Variants in MOV10L1 observed in about 807,000 individuals in gnomAD.
MOV10L1 encodes Mov10 like RNA helicase 1.
In MOV10L1, 110 loss-of-function variants were observed where a neutral mutation model predicts 143.8. That is an observed-to-expected ratio of 0.76 (90% CI 0.66 to 0.90). The LOEUF (loss-of-function observed/expected upper bound fraction) is 0.90. Ranked by LOEUF, MOV10L1 falls within the 40% of genes least tolerant of loss-of-function variation. MOV10L1 has a pLI of 0.00. For synonymous variants in MOV10L1, 593 were observed against 581.1 expected (o/e 1.02, Z -0.29); for missense variants, 1,406 against 1,526.8 (o/e 0.92, Z 1.32).
intron 3 of MOV10L1, among the ~76,000 whole-genome samples, chr22:50,105,088 C>T (rs2061836492): frequency 6.6e-6 from 1 of 152,134 alleles, no homozygotes; most frequent in African/African-American, 2.4e-5. Context: ...GACAGGGTTT[C>T]ACCGCATTGC....
rs922685011 is a variant in MOV10L1, at chr22:50,160,862, A to C, written c.3462+37A>C. 6.2e-6 allele frequency: 10 copies of C among 1,613,414 alleles called. No individual in the cohort carries two copies. In the African/African-American group the frequency reaches 9.3e-5, roughly 15 times the overall value. On this transcript the variant is annotated intron_variant, in intron 25 of 26. Transcript: ENST00000262794. ...GGCACTGGGTGGGCTGTGATCACTT[A>C]AGGAGGGAGGGTCCGGGTCACTCGG...
In MOV10L1 at chr22:50,092,206, G is replaced by A. The variant is rs879064105; in HGVS notation, c.282+21G>A. 3.7e-6 allele frequency: 6 copies of A among 1,602,968 alleles called. No homozygotes were observed. The Admixed American group carries it at 8.5e-5, about 23-fold the overall frequency. The stretch of plus-strand genomic sequence containing the variant: ...TCAGGGTAAGGTTTGAGTTCATTTG[G>A]GAACAGTTTTTCTTCGCCACGGGAC... On this transcript the variant is annotated intron_variant, in intron 2 of 26. Coordinates refer to ENST00000262794, the MANE Select transcript of MOV10L1 (RefSeq NM_018995.3).
rs139982343 is a variant in MOV10L1, at chr22:50,125,529, G to A, written c.1707G>A (p.Glu569=). 45 of 1,614,098 alleles carry A rather than the reference G, an allele frequency of 2.8e-5. No individual in the cohort carries two copies. Among genetic ancestry groups the A allele is most frequent in the Admixed American group, 8.3e-5 (5 of 60,008 alleles). The change falls in exon 11 of 27, where the codon GAG becomes GAA. Residue 569 remains glutamate, a synonymous_variant. Coordinates refer to ENST00000262794, the MANE Select transcript of MOV10L1 (RefSeq NM_018995.3). ...LRRNGDLLVL[E]VPGLAEGRPS... ...GGAATGGGGATCTGCTGGTTCTGGA[G>A]GTCCCAGGGTTGGCCGAAGGGAGGC... is the stretch of plus-strand genomic sequence containing the variant.
At chr22:50,113,566 C>T in intron 5 of MOV10L1, 82 bp from the exon 6 acceptor site, 1 of 1,532,606 alleles carries the variant, frequency 6.5e-7, no homozygotes, top group South Asian at 1.3e-5. Flanking sequence ...CCCCCACCAG[C>T]AGTCTATCCT....
chr22:50,108,791 C>A lies in MOV10L1; in HGVS notation c.690C>A (p.Ser230Arg). ...TGGTCAATGCAGTGGTGGTGGAGAG[C>A]AGCCAGTCATGCTATGTCTGGAGGG... is the stretch of plus-strand genomic sequence containing the variant. Reference protein sequence around the residue: ...GDVVNAVVVESSQSCYVWRAL... With the variant: ...GDVVNAVVVERSQSCYVWRAL... The change falls in exon 5 of 27, where the codon AGC (serine) becomes AGA (arginine). Residue 230 changes from serine (S) to arginine (R), a missense_variant. Coordinates refer to ENST00000262794, the MANE Select transcript of MOV10L1 (RefSeq NM_018995.3). 6.2e-7 allele frequency: 1 copy of A among 1,614,204 alleles called. No homozygotes were observed. The highest frequency in any genetic ancestry group is 8.5e-7 in the Non-Finnish European group (1 of 1,180,048).
In MOV10L1 at chr22:50,115,218, A is replaced by G. The variant is rs763189782; in HGVS notation, c.1231A>G (p.Thr411Ala). ...GGGGCTTGTCCCTCCAGGGGGAAAA[A>G]CCTTCATTGTGGTCATCTGTGACGG... is the stretch of plus-strand genomic sequence containing the variant. ...PGGLVPPGGK[T>A]FIVVICDGKN... Residue 411 changes from threonine to alanine, a missense_variant, in exon 8 of 27, where the codon ACC becomes GCC. This residue lies in a region of MOV10L1 where 1,233 missense variants were observed against 1,351.4 expected (regional missense o/e 0.91). Transcript: ENST00000262794. 12 of 1,536,398 alleles carry G rather than the reference A, an allele frequency of 7.8e-6. 1 individual carries two copies. In the South Asian group the frequency reaches 1.4e-4, roughly 18 times the overall value.
intron 26 of MOV10L1, 40 bp downstream of exon 26, chr22:50,161,095 C>A: frequency 1.3e-6 from 2 of 1,589,326 alleles, no homozygotes; most frequent in Non-Finnish European, 1.7e-6. Flanking sequence ...CAGGCTGGCT[C>A]TAGAACGTGC....
chr22:50,153,487 C>T (rs747659862), intron 22 of MOV10L1, among the ~76,000 whole-genome samples: 3 of 152,210 alleles, frequency 2.0e-5, no homozygotes, highest in Admixed American at 2.0e-4. Context: ...CCAAGAGAAG[C>T]GAAGCTGCCC....
At chr22:50,130,503 C>T (rs1196290975) in intron 13 of MOV10L1, among the ~76,000 whole-genome samples, 2 of 151,910 alleles carry the variant, frequency 1.3e-5, no homozygotes, top group Admixed American at 1.3e-4. Context: ...AGGCATTTGC[C>T]GATGAAAGCA....
chr22:50,114,716 G>A (rs2062121115), intron 7 of MOV10L1, 94 bp downstream of exon 7: 2 of 1,534,846 alleles, frequency 1.3e-6, no homozygotes, highest in Admixed American at 3.7e-5. Flanking sequence ...GCAGGGGCCA[G>A]GACACCCGGC....
chr22:50,149,781 G>T lies in MOV10L1; in HGVS notation c.2727+67G>T, dbSNP rs935656266. On this transcript the variant is annotated intron_variant, in intron 20 of 26. Coordinates refer to ENST00000262794, the MANE Select transcript of MOV10L1 (RefSeq NM_018995.3). ...GTTCTCCTGAGGGGATGCAGGCTGC[G>T]ATCCTGCCGGGAACAGTCACAGCTG... is the stretch of plus-strand genomic sequence containing the variant. 9 of 1,421,058 alleles carry T rather than the reference G, an allele frequency of 6.3e-6. No individual in the cohort carries two copies. In the South Asian group the frequency reaches 1.0e-4, roughly 16 times the overall value. The allele number at this position is 1,421,058 out of a possible 1,614,324, so 88.0% of individuals were successfully genotyped here.
rs534984756 is a variant in MOV10L1 at position 50,091,384 on chromosome 22, G to C, written c.98-617G>C. 1.9e-3 allele frequency: 310 copies of C among 167,326 alleles called. 1 individual carries two copies. Among genetic ancestry groups the C allele is most frequent in the Non-Finnish European group, 1.9e-3 (131 of 68,314 alleles). The allele number at this position is 167,326 out of a possible 1,614,324, so 10.4% of individuals were successfully genotyped here. A position where few individuals can be genotyped will look rare whatever the true frequency, so the allele number is the denominator to read the frequency against. On this transcript the variant is annotated intron_variant, in intron 1 of 26. Transcript: ENST00000262794. ...GAGGGCGTGCGCTGCTCCTGGGCCA[G>C]ACTTGTCTGCCCAGCCCCGAACCTT...
chr22:50,157,426 C>T (rs2063454894), intron 22 of MOV10L1, among the ~76,000 whole-genome samples: 1 of 152,052 alleles, frequency 6.6e-6, no homozygotes, highest in South Asian at 2.1e-4. Context: ...TGTCGTGGGG[C>T]TTTTTCCCTG....
chr22:50,144,148 A>G lies in MOV10L1; in HGVS notation c.2410A>G (p.Ser804Gly). ...SRILVCAPSN[S>G]AADLVCLRLH... Reference sequence around the variant, plus strand: ...GATTTTAGTCTGTGCGCCCTCCAACAGTGCTGCTGACCTCGTGTGTCTGCG... The same window carrying G: ...GATTTTAGTCTGTGCGCCCTCCAACGGTGCTGCTGACCTCGTGTGTCTGCG... Residue 804 changes from serine (S) to glycine (G), a missense_variant, in exon 18 of 27, where the codon AGT becomes GGT. By Grantham distance (56) the Ser-to-Gly change is moderately conservative. This residue lies in a region of MOV10L1 where 1,233 missense variants were observed against 1,351.4 expected (regional missense o/e 0.91). Coordinates refer to ENST00000262794, the MANE Select transcript of MOV10L1 (RefSeq NM_018995.3). 6.2e-7 allele frequency: 1 copy of G among 1,613,568 alleles called. No homozygotes were observed. The highest frequency in any genetic ancestry group is 8.5e-7 in the Non-Finnish European group (1 of 1,179,478).
intron 5 of MOV10L1, among the ~76,000 whole-genome samples, 192 bp downstream of exon 5, chr22:50,109,036 CG>C (rs1486208875): frequency 6.6e-6 from 1 of 151,800 alleles, no homozygotes; most frequent in Non-Finnish European, 1.5e-5. Flanking sequence ...CCCAGCTACT[CG>C]GGAGGCTGAG....
intron 15 of MOV10L1, among the ~76,000 whole-genome samples, chr22:50,141,606 G>C (rs902312141): frequency 1.3e-5 from 2 of 151,822 alleles, no homozygotes; most frequent in Non-Finnish European, 2.9e-5. Flanking sequence ...TCCCACAGTG[G>C]TGGGATGATA....
Position 50,160,706 on chromosome 22 carries a change from A to G in MOV10L1, c.3343A>G (p.Arg1115Gly). ...IISTVRSNEDRFEDDRYFLGF... is the reference protein window; with the variant it reads ...IISTVRSNEDGFEDDRYFLGF... ...CTTTTAGGTACGGTCAAATGAAGAT[A>G]GATTTGAAGATGATCGATATTTTTT... The change falls in exon 25 of 27, where the codon AGA (arginine) becomes GGA (glycine). Residue 1115 changes from arginine (R) to glycine (G), a missense_variant. Arg to Gly is a moderately radical substitution (Grantham distance 125, BLOSUM62 -2). Coordinates refer to ENST00000262794, the MANE Select transcript of MOV10L1 (RefSeq NM_018995.3). 1 of 1,614,054 alleles carries G rather than the reference A, an allele frequency of 6.2e-7. No individual in the cohort carries two copies. Among genetic ancestry groups the G allele is most frequent in the Non-Finnish European group, 8.5e-7 (1 of 1,179,972 alleles).
intron 22 of MOV10L1, among the ~76,000 whole-genome samples, chr22:50,157,761 C>CAAAAA (rs35212822): frequency 5.0e-5 from 6 of 120,316 alleles, no homozygotes; most frequent in South Asian, 2.6e-4. Flanking sequence ...GGTCTAATAT[C>CAAAAA]AAAAAAAAAA....
rs750105943 is a variant in MOV10L1 at position 50,091,986 on chromosome 22, G to A, written c.98-15G>A. 5.4e-5 allele frequency: 87 copies of A among 1,608,014 alleles called. No homozygotes were observed. The highest frequency in any genetic ancestry group is 6.8e-5 in the Non-Finnish European group (80 of 1,176,768). ...CTTTTATGGCCAAGATAACTTCTTT[G>A]TTTACCTACCTCAGGTGACACTAAG... On this transcript the variant is annotated splice_polypyrimidine_tract_variant and intron_variant, in intron 1 of 26. Coordinates refer to ENST00000262794, the MANE Select transcript of MOV10L1 (RefSeq NM_018995.3).
Sources: allele counts gnomAD v4.1 joint callset (sites outside exome capture counted in the v4.1 genomes callset), GRCh38; gene constraint gnomAD v4.1.1; regional missense constraint gnomAD v4.1.1; transcripts MANE v1.5; gene names NCBI Gene and HGNC (gene_info 2026-07-23, HGNC 2026-07-21).